The following CARF variants were observed in gnomAD, a reference collection of about 807,000 sequenced individuals.
CARF encodes the protein calcium responsive transcription factor.
CARF carries 57 observed loss-of-function variants against 82.0 expected under a neutral mutation model. The ratio of observed to expected loss-of-function variants is 0.70; its 90% confidence interval spans 0.56 to 0.87. CARF has a LOEUF of 0.87. Ranked by LOEUF, CARF falls within the 40% of genes least tolerant of loss-of-function variation. The pLI is 0.00. For missense variants in CARF, 771 were observed against 855.8 expected (o/e 0.90, Z 1.24); for synonymous variants, 268 against 290.1 (o/e 0.92, Z 0.77).
intron 3 of CARF, among the ~76,000 whole-genome samples, chr2:202,933,508 A>G (rs1384292642): frequency 6.6e-6 from 1 of 152,084 alleles, no homozygotes; most frequent in Non-Finnish European, 1.5e-5. Flanking sequence ...AGGGTTGGTT[A>G]CTGGAATCCT....
intron 1 of CARF, 69 bp downstream of exon 1, chr2:202,913,171 A>C (rs1688956675): frequency 6.6e-6 from 1 of 152,210 alleles, no homozygotes; most frequent in Non-Finnish European, 1.5e-5. Flanking sequence ...TGTAAGGTAG[A>C]CGCCTAATGT....
chr2:202,968,150 TC>T (rs1223653188), intron 10 of CARF, among the ~76,000 whole-genome samples: 18 of 152,194 alleles, frequency 1.2e-4, no homozygotes, highest in African/African-American at 4.3e-4. Flanking sequence ...ACGCCTGTAA[TC>T]CCAGCACTTT....
chr2:202,927,325 T>C (rs1395450118), intron 3 of CARF, among the ~76,000 whole-genome samples: 2 of 125,912 alleles, frequency 1.6e-5, no homozygotes, highest in Non-Finnish European at 3.9e-5. Flanking sequence ...AATTCAGTCT[T>C]TTTTTTTTCC....
At chr2:202,975,071 G>T (rs1301721503) in intron 13 of CARF, among the ~76,000 whole-genome samples, 1 of 152,150 alleles carries the variant, frequency 6.6e-6, no homozygotes, top group African/African-American at 2.4e-5. Flanking sequence ...AGCACTGTGG[G>T]AGGCCGAGGC....
intron 3 of CARF, among the ~76,000 whole-genome samples, chr2:202,939,324 G>A (rs1381323772): frequency 1.3e-5 from 2 of 152,092 alleles, no homozygotes; most frequent in Non-Finnish European, 2.9e-5. Context: ...TGATGGCGAT[G>A]GCATTACATC....
intron 10 of CARF, among the ~76,000 whole-genome samples, chr2:202,969,016 G>A (rs2059665524): frequency 6.6e-6 from 1 of 152,274 alleles, no homozygotes; most frequent in Admixed American, 6.5e-5. Context: ...GAGGCCAGGT[G>A]TGGTGGCTCA....
chr2:202,986,906 A>ACG lies in CARF; in HGVS notation c.*3282_*3283insCG, dbSNP rs2060469872. 7.2e-6 allele frequency: 1 copy of ACG among 139,002 alleles called. No individual in the cohort carries two copies. Among genetic ancestry groups the ACG allele is most frequent in the Non-Finnish European group, 1.5e-5 (1 of 64,956 alleles). The allele number at this position is 139,002 out of a possible 1,614,324, so 8.6% of individuals were successfully genotyped here. A position where few individuals can be genotyped will look rare whatever the true frequency, so the allele number is the denominator to read the frequency against. ...TATATATATATATATATATATATAT[A>ACG]TAGCAACTTGATGTATAGTGTCCTT... On this transcript the variant is annotated 3_prime_UTR_variant, in exon 17 of 17. Coordinates refer to ENST00000438828, the MANE Select transcript of CARF (RefSeq NM_024744.17).
chr2:202,974,921 C>A (rs1310527147), intron 13 of CARF, among the ~76,000 whole-genome samples: 1 of 151,948 alleles, frequency 6.6e-6, no homozygotes, highest in African/African-American at 2.4e-5. Flanking sequence ...TATATAGCAT[C>A]TTTTTCTTAA....
chr2:202,974,529 GTCTT>G, intron 13 of CARF, 33 bp downstream of exon 13: 1 of 1,541,442 alleles, frequency 6.5e-7, no homozygotes, highest in Non-Finnish European at 8.7e-7. Context: ...TTATTACAGA[GTCTT>G]TCTCAGCTTC....
chr2:202,969,306 CAGCTCAT>C (rs2059680580), intron 10 of CARF, among the ~76,000 whole-genome samples: 1 of 151,804 alleles, frequency 6.6e-6, no homozygotes, highest in Admixed American at 6.6e-5. Flanking sequence ...CCAGGCATGG[CAGCTCAT>C]GCCTGTAATC....
chr2:202,916,957 T>C (rs1043934550), intron 1 of CARF, among the ~76,000 whole-genome samples: 6 of 152,176 alleles, frequency 3.9e-5, no homozygotes, highest in Admixed American at 2.6e-4. Context: ...ACGCCTGTAA[T>C]CCCAGCACTT....
chr2:202,972,732 A>G (rs1322109966), intron 12 of CARF, among the ~76,000 whole-genome samples: 1 of 151,014 alleles, frequency 6.6e-6, no homozygotes, highest in African/African-American at 2.4e-5. Context: ...CTAACGCTAT[A>G]TAGCCTGTGC....
At chr2:202,970,806 T>G (rs774905146) in intron 11 of CARF, among the ~76,000 whole-genome samples, 14 of 152,066 alleles carry the variant, frequency 9.2e-5, no homozygotes, top group Admixed American at 3.3e-4. Flanking sequence ...TACAGAAATA[T>G]CAATTAAAGC....
chr2:202,942,111 C>T, intron 4 of CARF, 131 bp downstream of exon 4: 1 of 632,024 alleles, frequency 1.6e-6, no homozygotes, highest in South Asian at 1.9e-5. Context: ...TGGTGGCTGA[C>T]ACCTGTGATC....
intron 13 of CARF, among the ~76,000 whole-genome samples, chr2:202,975,250 T>C (rs1225682551): frequency 6.6e-6 from 1 of 151,940 alleles, no homozygotes; most frequent in South Asian, 2.1e-4. Context: ...GGTCAGAAGA[T>C]AAAGACCATC....
chr2:202,976,710 CTT>C (rs1434006561), intron 13 of CARF, among the ~76,000 whole-genome samples: 7 of 105,926 alleles, frequency 6.6e-5, no homozygotes, highest in African/African-American at 1.1e-4. Context: ...ATCCATAACT[CTT>C]TGTCTTTTTT....
Position 202,980,617 on chromosome 2 carries a change from TATATATATATATA to T in CARF, c.1559-937_1559-925del, listed in dbSNP as rs1228765100. Among the ~76,000 whole-genome samples, 50 of 30,644 alleles carry T rather than the reference TATATATATATATA, an allele frequency of 1.6e-3. No homozygotes were observed. In the East Asian group the frequency reaches 0.11, roughly 69 times the overall value. The allele number at this position is 30,644 out of a possible 152,430, so 20.1% of individuals were successfully genotyped here. ...AGTTACAGATATAGCGTCTTTCAAG[TATATATATATATA>T]TATATATATATATATATATATATAT... On this transcript the variant is annotated intron_variant, in intron 14 of 16. Transcript: ENST00000438828.
At chr2:202,933,762 G>A (rs914768679) in intron 3 of CARF, among the ~76,000 whole-genome samples, 3 of 152,084 alleles carry the variant, frequency 2.0e-5, no homozygotes, top group Non-Finnish European at 2.9e-5. Context: ...CTGATGTGAC[G>A]TGACTACAGT....
chr2:202,982,038 C>A, intron 15 of CARF, 34 bp from the exon 16 acceptor site: 1 of 1,594,844 alleles, frequency 6.3e-7, no homozygotes, highest in South Asian at 1.2e-5. Context: ...ATAGGAAATT[C>A]AAACATTTTG....
Sources: gnomAD v4.1 joint callset for allele counts (sites outside exome capture counted in the v4.1 genomes callset) on GRCh38, gnomAD v4.1.1 for gene constraint, MANE v1.5 for transcripts, NCBI Gene and HGNC (gene_info 2026-07-23, HGNC 2026-07-21) for gene names.